RBFOX1: variants seen among roughly 807,000 people sequenced by gnomAD.
RBFOX1 encodes the protein RNA binding fox-1 homolog 1.
A neutral mutation model predicts 57.7 loss-of-function variants in RBFOX1; 8 were observed. That is an observed-to-expected ratio of 0.14 (90% CI 0.08 to 0.25). The LOEUF is 0.25. Among genes scored for constraint, RBFOX1 ranks in the 10% least tolerant of loss-of-function variants. The pLI is 1.00. For synonymous variants in RBFOX1, 326 were observed against 222.4 expected, an observed-to-expected ratio of 1.47 and a Z score of -4.15; for missense variants, 611 against 548.5, an observed-to-expected ratio of 1.11 and a Z score of -1.14.
At chr16:7,220,667 TG>T (rs1167662225) in intron 4 of RBFOX1, among the ~76,000 whole-genome samples, 1 of 152,102 alleles carries the variant, frequency 6.6e-6, no homozygotes, top group Non-Finnish European at 1.5e-5. Flanking sequence ...TCTTTGTACA[TG>T]GGGGGATGGC....
At chr16:7,205,564 A>G (rs2089784616) in intron 4 of RBFOX1, among the ~76,000 whole-genome samples, 1 of 152,114 alleles carries the variant, frequency 6.6e-6, no homozygotes, top group Non-Finnish European at 1.5e-5. Flanking sequence ...GGAAATAAAC[A>G]TGAACCTTTC....
chr16:6,296,220 A>G (rs983529960), intron 1 of RBFOX1, among the ~76,000 whole-genome samples: 16 of 152,176 alleles, frequency 1.1e-4, no homozygotes, highest in Non-Finnish European at 2.1e-4. Context: ...GACACTGCTT[A>G]TGACCTTGGT....
chr16:7,103,008 G>GAC (rs1473988716), intron 4 of RBFOX1, among the ~76,000 whole-genome samples: 2 of 151,176 alleles, frequency 1.3e-5, no homozygotes, highest in African/African-American at 2.4e-5. Flanking sequence ...CACACATTTA[G>GAC]ACACACACAC....
At chr16:6,652,483 T>TTC (rs545445936) in intron 2 of RBFOX1, among the ~76,000 whole-genome samples, 1 of 151,546 alleles carries the variant, frequency 6.6e-6, no homozygotes, top group African/African-American at 2.4e-5. Flanking sequence ...CTGTCTCCCT[T>TTC]TCTCTCTCTC....
At chr16:7,053,474 G>A (rs921734218) in intron 4 of RBFOX1, among the ~76,000 whole-genome samples, 1 of 152,116 alleles carries the variant, frequency 6.6e-6, no homozygotes, top group African/African-American at 2.4e-5. Context: ...TGTTTGGATG[G>A]GGACGATGGT....
chr16:7,710,840 A>T lies in RBFOX1; in HGVS notation c.*95A>T, dbSNP rs2083898226. 8 of 992,700 alleles carry T rather than the reference A, an allele frequency of 8.1e-6. No individual in the cohort carries two copies. The highest frequency in any genetic ancestry group is 1.0e-5 in the Non-Finnish European group (8 of 797,292). The allele number at this position is 992,700 out of a possible 1,614,324, so 61.5% of individuals were successfully genotyped here. A position where few individuals can be genotyped will look rare whatever the true frequency, so the allele number is the denominator to read the frequency against. ...CATGCAGTAGTACATCATTTTAGCA[A>T]CTCTAAAAAAAAAAAAAATACAAAT... On this transcript the variant is annotated 3_prime_UTR_variant, in exon 16 of 16. Transcript: ENST00000550418.
At chr16:6,588,098 G>A (rs1462109439) in intron 2 of RBFOX1, among the ~76,000 whole-genome samples, 2 of 151,802 alleles carry the variant, frequency 1.3e-5, no homozygotes, top group Non-Finnish European at 1.5e-5. Context: ...GGGCGTGGTG[G>A]CACACACCTG....
chr16:5,596,624 C>A (rs1596380761), intron 2 of RBFOX1, among the ~76,000 whole-genome samples: 1 of 152,340 alleles, frequency 6.6e-6, no homozygotes, highest in Non-Finnish European at 1.5e-5. Context: ...TCTAGTAACA[C>A]TTGGGTCTTG....
chr16:7,287,869 G>A (rs143636105), intron 4 of RBFOX1, among the ~76,000 whole-genome samples: 51 of 152,286 alleles, frequency 3.3e-4, no homozygotes, highest in African/African-American at 1.2e-3. Flanking sequence ...CCCATTTCGT[G>A]TGCATTTTTC....
intron 3 of RBFOX1, among the ~76,000 whole-genome samples, chr16:7,029,785 A>T (rs538735610): frequency 1.3e-5 from 2 of 152,284 alleles, no homozygotes; most frequent in South Asian, 4.1e-4. Context: ...ATGTGATCTG[A>T]TCTTCACATG....
chr16:7,267,988 A>G (rs978996015), intron 4 of RBFOX1, among the ~76,000 whole-genome samples: 7 of 152,188 alleles, frequency 4.6e-5, no homozygotes, highest in Non-Finnish European at 1.5e-5. Flanking sequence ...TCATTGTGCA[A>G]ACATCAGAGT....
At chr16:7,623,206 A>G (rs1023724110) in intron 10 of RBFOX1, among the ~76,000 whole-genome samples, 1 of 152,156 alleles carries the variant, frequency 6.6e-6, no homozygotes, top group African/African-American at 2.4e-5. Flanking sequence ...GTTCCCAACC[A>G]TTTTGGCACC....
chr16:7,055,252 C>G (rs8044492), intron 4 of RBFOX1, among the ~76,000 whole-genome samples: 3 of 152,028 alleles, frequency 2.0e-5, no homozygotes, highest in Admixed American at 6.5e-5. Context: ...CTACGCAACA[C>G]TTTTGTTTAT....
chr16:5,969,134 C>T (rs1015977334), intron 4 of RBFOX1, among the ~76,000 whole-genome samples: 51 of 152,044 alleles, frequency 3.4e-4, no homozygotes, highest in Non-Finnish European at 6.5e-4. Context: ...ATCCCTTTCT[C>T]AATGCCTGTT....
chr16:7,579,190 T>A (rs1372433639), intron 5 of RBFOX1, among the ~76,000 whole-genome samples: 1 of 152,204 alleles, frequency 6.6e-6, no homozygotes, highest in African/African-American at 2.4e-5. Flanking sequence ...GTTTGTACAA[T>A]TAGAACCTCA....
intron 6 of RBFOX1, among the ~76,000 whole-genome samples, chr16:7,583,599 T>C (rs1290958628): frequency 6.6e-6 from 1 of 152,204 alleles, no homozygotes; most frequent in Non-Finnish European, 1.5e-5. Flanking sequence ...CACGGAATTG[T>C]CAGAAACAGT....
At chr16:7,683,471 T>A (rs797022090) in intron 14 of RBFOX1, among the ~76,000 whole-genome samples, 3 of 152,064 alleles carry the variant, frequency 2.0e-5, no homozygotes, top group African/African-American at 7.2e-5. Context: ...TGAATCAGTT[T>A]AAAAAAAGAA....
Position 6,715,644 on chromosome 16 carries a change from G to A in RBFOX1, c.-16+60994G>A, listed in dbSNP as rs573616531. On this transcript the variant is annotated intron_variant, in intron 3 of 15. Coordinates refer to ENST00000550418, the MANE Select transcript of RBFOX1 (RefSeq NM_018723.4). ...TCCTTTCTGGCCTCATCTCCTATCC[G>A]GATAAAGATACTTGGAAAACCCATT... Among the ~76,000 whole-genome samples, 17 of 152,130 alleles carry A rather than the reference G, an allele frequency of 1.1e-4. No homozygotes were observed. The South Asian group carries it at 2.5e-3, about 22-fold the overall frequency.
chr16:6,757,105 T>C lies in RBFOX1; in HGVS notation c.-16+102455T>C, dbSNP rs914559235. On this transcript the variant is annotated intron_variant, in intron 3 of 15. Transcript: ENST00000550418. ...GATCAAAACCTCAATGACGTATAAT[T>C]TCATCCCAATTAGAACGACTATTAT... Among the ~76,000 whole-genome samples the C allele has an allele frequency of 2.0e-5, 3 of 152,182 alleles. No homozygotes were observed. The East Asian group carries it at 5.8e-4, about 29-fold the overall frequency.
Sources: gnomAD v4.1 joint callset for allele counts (sites outside exome capture counted in the v4.1 genomes callset) on GRCh38, gnomAD v4.1.1 for gene constraint, MANE v1.5 for transcripts, NCBI Gene and HGNC (gene_info 2026-07-23, HGNC 2026-07-21) for gene names.